KIF26B: variants seen among roughly 807,000 people sequenced by gnomAD.
KIF26B encodes the protein kinesin family member 26B.
A neutral mutation model predicts 151.2 loss-of-function variants in KIF26B; 63 were observed. The observed-to-expected ratio is 0.42, with a 90% CI of 0.34 to 0.51. KIF26B has a LOEUF of 0.51. KIF26B is among the 20% of genes least tolerant of loss of function. The pLI is 0.07. For synonymous variants in KIF26B, 1,357 were observed against 1,262.1 expected (o/e 1.08, Z -1.59); for missense variants, 2,813 against 2,913.6 (o/e 0.97, Z 0.79).
At position 245,635,579 on chromosome 1, in the gene KIF26B, G is replaced by A. The variant is rs143809327; in HGVS notation, c.2099-10542G>A. ...TCAAAGAACCAACTTTTGATTCATC[G>A]ACTTTTCTCCATTGTTTTTGGTTTT... On this transcript the variant is annotated intron_variant, in intron 9 of 14. Coordinates refer to ENST00000407071, the MANE Select transcript of KIF26B (RefSeq NM_018012.4). Among the ~76,000 whole-genome samples the A allele has an allele frequency of 1.2e-3, 185 of 151,742 alleles. No individual in the cohort carries two copies. In the Middle Eastern group the frequency reaches 0.017, roughly 14 times the overall value.
intron 4 of KIF26B, among the ~76,000 whole-genome samples, chr1:245,522,060 G>A (rs185175941): frequency 9.7e-4 from 147 of 152,068 alleles, no homozygotes; most frequent in East Asian, 2.7e-3. Flanking sequence ...TAGTAGAGAC[G>A]GGGTTTCACC....
intron 2 of KIF26B, among the ~76,000 whole-genome samples, chr1:245,300,610 C>A (rs541450161): frequency 9.5e-4 from 144 of 151,692 alleles, no homozygotes; most frequent in African/African-American, 3.4e-3. Context: ...CTCACTGCAA[C>A]CTCTGCCTCC....
chr1:245,579,611 A>C (rs2043154976), intron 5 of KIF26B, among the ~76,000 whole-genome samples: 1 of 152,124 alleles, frequency 6.6e-6, no homozygotes, highest in African/African-American at 2.4e-5. Flanking sequence ...GGAGTTCCAG[A>C]CCAGCCTAAC....
intron 2 of KIF26B, among the ~76,000 whole-genome samples, chr1:245,338,582 G>A (rs542138481): frequency 1.3e-5 from 2 of 152,308 alleles, no homozygotes; most frequent in South Asian, 2.1e-4. Context: ...GAACACATAC[G>A]CATTTCTGTG....
intron 2 of KIF26B, among the ~76,000 whole-genome samples, chr1:245,202,043 G>A (rs1455937988): frequency 6.6e-6 from 1 of 152,174 alleles, no homozygotes; most frequent in Non-Finnish European, 1.5e-5. Context: ...GAATGACAGA[G>A]CAGCTTTATT....
intron 2 of KIF26B, among the ~76,000 whole-genome samples, chr1:245,365,259 G>A (rs74153551): frequency 0.032 from 4,807 of 152,248 alleles, 253 homozygotes; most frequent in African/African-American, 0.11. Context: ...AACCAGACTC[G>A]CTCAACCTGA....
chr1:245,605,363 G>T (rs1339909952), intron 6 of KIF26B, among the ~76,000 whole-genome samples: 8 of 152,212 alleles, frequency 5.3e-5, no homozygotes, highest in Non-Finnish European at 1.0e-4. Flanking sequence ...GGAGTGTGCG[G>T]AGTGGGCCTG....
At chr1:245,671,084 A>G (rs936218213) in intron 10 of KIF26B, among the ~76,000 whole-genome samples, 1 of 152,186 alleles carries the variant, frequency 6.6e-6, no homozygotes, top group Admixed American at 6.5e-5. Flanking sequence ...CTCACAAACA[A>G]GTGAGAACAT....
In KIF26B at chr1:245,367,527, G is replaced by A. The variant is rs945375784; in HGVS notation, c.999+160G>A. ...GAGTTCTCATCAAGGTGCCCCACCCGGGCCTGCCTGCTTTGAGAGGGTGTT... is the reference window on the plus strand; with the variant it reads ...GAGTTCTCATCAAGGTGCCCCACCCAGGCCTGCCTGCTTTGAGAGGGTGTT... On this transcript the variant is annotated intron_variant, in intron 3 of 14. Coordinates refer to ENST00000407071, the MANE Select transcript of KIF26B (RefSeq NM_018012.4). This position sits in a 1 kb window ranked among gnomAD's most constrained non-coding sequence, Gnocchi z 4.2. Among the ~76,000 whole-genome samples the A allele has an allele frequency of 1.3e-5, 2 of 152,204 alleles. No individual in the cohort carries two copies. The highest frequency in any genetic ancestry group is 6.5e-5 in the Admixed American group (1 of 15,282).
chr1:245,410,689 A>G (rs1481188713), intron 3 of KIF26B, among the ~76,000 whole-genome samples: 1 of 152,206 alleles, frequency 6.6e-6, no homozygotes, highest in African/African-American at 2.4e-5. Context: ...AGCTCAAGCA[A>G]TCTGTCTGCC....
At chr1:245,553,329 C>T (rs2103110938) in intron 5 of KIF26B, among the ~76,000 whole-genome samples, 1 of 152,214 alleles carries the variant, frequency 6.6e-6, no homozygotes, top group Middle Eastern at 3.4e-3. Flanking sequence ...TCTATAGGCA[C>T]CTTATGTGGT....
At chr1:245,578,872 A>G (rs2043149285) in intron 5 of KIF26B, among the ~76,000 whole-genome samples, 1 of 152,236 alleles carries the variant, frequency 6.6e-6, no homozygotes, top group Admixed American at 6.5e-5. Context: ...TCTTTGTCTT[A>G]GTGATGCCAG....
intron 4 of KIF26B, among the ~76,000 whole-genome samples, chr1:245,461,267 T>A (rs1659639172): frequency 6.6e-6 from 1 of 152,150 alleles, no homozygotes; most frequent in African/African-American, 2.4e-5. Flanking sequence ...CTGCTTCTGC[T>A]TTCTCTTAAA....
intron 4 of KIF26B, among the ~76,000 whole-genome samples, chr1:245,429,736 C>G (rs1350297273): frequency 6.6e-6 from 1 of 152,192 alleles, no homozygotes; most frequent in Non-Finnish European, 1.5e-5. Flanking sequence ...ACCTCAGCCT[C>G]CCAAGTAGCT....
chr1:245,178,607 G>A (rs2103526202), intron 2 of KIF26B, among the ~76,000 whole-genome samples: 1 of 152,222 alleles, frequency 6.6e-6, no homozygotes, highest in East Asian at 1.9e-4. Flanking sequence ...AACTCCAAAT[G>A]CATTAAGCAA....
At chr1:245,432,348 G>C (rs1658801275) in intron 4 of KIF26B, among the ~76,000 whole-genome samples, 1 of 152,206 alleles carries the variant, frequency 6.6e-6, no homozygotes, top group Non-Finnish European at 1.5e-5. Context: ...ATGAAAAAAA[G>C]CAGTGTTGGG....
intron 2 of KIF26B, among the ~76,000 whole-genome samples, chr1:245,207,853 C>T (rs1669437470): frequency 6.6e-6 from 1 of 152,166 alleles, no homozygotes; most frequent in African/African-American, 2.4e-5. Context: ...TTAGTGAGTT[C>T]CTTACCAGGT....
chr1:245,521,601 C>T (rs926080553), intron 4 of KIF26B, among the ~76,000 whole-genome samples: 18 of 152,200 alleles, frequency 1.2e-4, no homozygotes, highest in African/African-American at 3.6e-4. Context: ...TGGAAGGACC[C>T]CCAGGCTGAC....
At chr1:245,346,805 A>G (rs896794536) in intron 2 of KIF26B, among the ~76,000 whole-genome samples, 2 of 152,074 alleles carry the variant, frequency 1.3e-5, no homozygotes, top group Non-Finnish European at 2.9e-5. Context: ...CTCTCCTAAA[A>G]CCTTGACTGA....
Sources: allele counts gnomAD v4.1 joint callset (sites outside exome capture counted in the v4.1 genomes callset), GRCh38; gene constraint gnomAD v4.1.1; non-coding constraint Gnocchi (gnomAD v3.1); transcripts MANE v1.5; gene names NCBI Gene and HGNC (gene_info 2026-07-23, HGNC 2026-07-21).